Variants in STK24 observed in about 807,000 individuals in gnomAD.
STK24 encodes serine/threonine kinase 24, also known as serine/threonine-protein kinase 24.
Under a neutral mutation model 55.6 loss-of-function variants are expected in STK24, and 21 were observed. That is an observed-to-expected ratio of 0.38 (90% CI 0.27 to 0.54). The LOEUF (loss-of-function observed/expected upper bound fraction) is 0.54, where lower values mean the gene tolerates loss of function less well. STK24 is among the 20% of genes least tolerant of loss of function. The pLI is 0.79. For missense variants in STK24, 383 were observed against 538.4 expected, an observed-to-expected ratio of 0.71 and a Z score of 2.86; for synonymous variants, 200 against 215.2, an observed-to-expected ratio of 0.93 and a Z score of 0.62.
intron 1 of STK24, among the ~76,000 whole-genome samples, chr13:98,564,226 A>G (rs1897507766): frequency 6.6e-6 from 1 of 152,250 alleles, no homozygotes; most frequent in African/African-American, 2.4e-5. Context: ...AGCTACCGAG[A>G]AAAGAAAATC....
At chr13:98,546,775 T>C (rs909510387) in intron 1 of STK24, among the ~76,000 whole-genome samples, 5 of 152,200 alleles carry the variant, frequency 3.3e-5, no homozygotes, top group Admixed American at 2.6e-4. Flanking sequence ...AAATTGACTT[T>C]CTCAACTAAA....
chr13:98,546,555 G>C (rs899619249), intron 1 of STK24, among the ~76,000 whole-genome samples: 15 of 152,200 alleles, frequency 9.9e-5, no homozygotes, highest in African/African-American at 3.1e-4. Flanking sequence ...CTCACCACCA[G>C]ATGGGCTGCG....
chr13:98,535,361 CA>C (rs34537903), intron 1 of STK24, among the ~76,000 whole-genome samples: 3,741 of 64,050 alleles, frequency 0.058, 145 homozygotes, highest in African/African-American at 0.19. Flanking sequence ...AACAAACAAA[CA>C]AAAAAAAAAT....
chr13:98,461,075 A>AGG (rs1721573793), intron 8 of STK24, among the ~76,000 whole-genome samples: 1 of 151,338 alleles, frequency 6.6e-6, no homozygotes. Flanking sequence ...AGAGAGAGAG[A>AGG]GAAAAGTACT....
At chr13:98,482,434 C>A in intron 2 of STK24, 113 bp from the exon 3 acceptor site, 1 of 599,746 alleles carries the variant, frequency 1.7e-6, no homozygotes, top group Non-Finnish European at 3.0e-6. Context: ...GTTTTACAAA[C>A]ATGTACCAGC....
At chr13:98,456,819 G>A (rs76013753) in intron 10 of STK24, 1 of 398,540 alleles carries the variant, frequency 2.5e-6, no homozygotes, top group African/African-American at 2.0e-5. Flanking sequence ...CCGAAAACCA[G>A]ATAGATAGTT....
At chr13:98,571,104 G>T (rs1443068797) in intron 1 of STK24, among the ~76,000 whole-genome samples, 5 of 152,150 alleles carry the variant, frequency 3.3e-5, no homozygotes, top group Non-Finnish European at 7.4e-5. Context: ...GAGCTAAGGG[G>T]CCCGTTTCTC....
intron 1 of STK24, among the ~76,000 whole-genome samples, chr13:98,574,954 T>A (rs1190975549): frequency 1.3e-5 from 2 of 152,158 alleles, no homozygotes; most frequent in African/African-American, 4.8e-5. Flanking sequence ...TAGTACCTTT[T>A]CAAACTGATT....
At chr13:98,472,891 A>AATT (rs1566353539) in intron 5 of STK24, among the ~76,000 whole-genome samples, 2 of 152,040 alleles carry the variant, frequency 1.3e-5, no homozygotes, top group Non-Finnish European at 2.9e-5. Flanking sequence ...AACTCTTTTA[A>AATT]ACCTCTCTCA....
rs1566329791 is a variant in STK24 at position 98,447,084 on chromosome 13, C to CT, written c.*6088_*6089insA. On this transcript the variant is annotated 3_prime_UTR_variant, in exon 11 of 11. Coordinates refer to ENST00000539966, the MANE Select transcript of STK24 (RefSeq NM_001032296.4). The stretch of plus-strand genomic sequence containing the variant: ...TTGGAGATCTCTGACATAACGTGTC[C>CT]GGGATGATGAAGCTAAGCCCCAGTG... 3 of 424,600 alleles carry CT rather than the reference C, an allele frequency of 7.1e-6. No individual in the cohort carries two copies. Among genetic ancestry groups the CT allele is most frequent in the African/African-American group, 6.0e-5 (3 of 50,104 alleles). 26.3% of individuals were successfully genotyped at this position (424,600 alleles called of 1,614,324 possible).
chr13:98,568,548 G>A (rs114366934), intron 1 of STK24, among the ~76,000 whole-genome samples: 3,274 of 152,248 alleles, frequency 0.022, 88 homozygotes, highest in African/African-American at 0.074. Context: ...AGACACAGCC[G>A]GAAGCAGAGG....
intron 1 of STK24, among the ~76,000 whole-genome samples, chr13:98,547,454 G>A (rs113927279): frequency 3.3e-5 from 5 of 152,280 alleles, no homozygotes; most frequent in African/African-American, 1.2e-4. Flanking sequence ...AGGCTGTGGC[G>A]TGAGGACTGC....
chr13:98,527,071 G>A (rs951634457), intron 1 of STK24, among the ~76,000 whole-genome samples: 10 of 152,140 alleles, frequency 6.6e-5, no homozygotes, highest in South Asian at 2.1e-4. Flanking sequence ...AATTCTCATC[G>A]GCATCCTTTT....
intron 5 of STK24, among the ~76,000 whole-genome samples, chr13:98,472,998 G>A (rs1024511287): frequency 6.6e-6 from 1 of 151,782 alleles, no homozygotes; most frequent in African/African-American, 2.4e-5. Flanking sequence ...ACTCTCTAGG[G>A]ATATTTGTCA....
intron 1 of STK24, among the ~76,000 whole-genome samples, chr13:98,546,235 A>G (rs4417417): frequency 0.73 from 111,391 of 152,008 alleles, 41,028 homozygotes; most frequent in Non-Finnish European, 0.78. Flanking sequence ...AAGGGCCACT[A>G]GCACACAGCA....
At chr13:98,501,547 A>G (rs1347044968) in intron 2 of STK24, among the ~76,000 whole-genome samples, 3 of 152,228 alleles carry the variant, frequency 2.0e-5, no homozygotes, top group Admixed American at 1.3e-4. Context: ...ATAATAAACT[A>G]CAAAAATTAG....
intron 1 of STK24, among the ~76,000 whole-genome samples, chr13:98,549,311 T>G (rs1897105903): frequency 6.6e-6 from 1 of 152,234 alleles, no homozygotes; most frequent in South Asian, 2.1e-4. Context: ...CGGTGTGTAC[T>G]GAGTGCCATT....
chr13:98,565,970 C>G (rs1897558531), intron 1 of STK24, among the ~76,000 whole-genome samples: 1 of 152,228 alleles, frequency 6.6e-6, no homozygotes, highest in Non-Finnish European at 1.5e-5. Flanking sequence ...CCCAGGGCTC[C>G]CTCTGCTCCA....
rs549825718 is a variant in STK24 at position 98,448,100 on chromosome 13, C to A, written c.*5073G>T. On this transcript the variant is annotated 3_prime_UTR_variant, in exon 11 of 11. Coordinates refer to ENST00000539966, the MANE Select transcript of STK24 (RefSeq NM_001032296.4). ...GGAACGCCTGGGTGCTGGCTGTTCC[C>A]TTGCTCTTCTGCTGAAGTGGCAGAT... The A allele has an allele frequency of 6.9e-6, 5 of 724,790 alleles. No homozygotes were observed. The East Asian group carries it at 1.3e-4, about 19-fold the overall frequency. 44.9% of individuals were successfully genotyped at this position (724,790 alleles called of 1,614,324 possible).
Sources: gnomAD v4.1 joint callset for allele counts (sites outside exome capture counted in the v4.1 genomes callset) on GRCh38, gnomAD v4.1.1 for gene constraint, MANE v1.5 for transcripts, NCBI Gene and HGNC (gene_info 2026-07-23, HGNC 2026-07-21) for gene names.